MICAL3: variants seen among roughly 807,000 people sequenced by gnomAD.
MICAL3 encodes the protein microtubule associated monooxygenase, calponin and LIM domain containing 3, also known as [F-actin]-monooxygenase MICAL3.
MICAL3 carries 62 observed loss-of-function variants against 207.4 expected under a neutral mutation model. The ratio of observed to expected loss-of-function variants is 0.30; its 90% confidence interval spans 0.24 to 0.37. The LOEUF is 0.37. Among genes scored for constraint, MICAL3 ranks in the 10% least tolerant of loss-of-function variants. The pLI, the probability that MICAL3 is intolerant of heterozygous loss-of-function variation, is 1.00. For missense variants in MICAL3, 2,368 were observed against 2,635.6 expected (o/e 0.90, Z 2.22); for synonymous variants, 1,077 against 1,069.3 (o/e 1.01, Z -0.14).
chr22:17,810,929 G>T, intron 27 of MICAL3, 116 bp from the exon 28 acceptor site: 1 of 754,324 alleles, frequency 1.3e-6, no homozygotes, highest in Non-Finnish European at 2.3e-6. Context: ...GCTGGTACCC[G>T]GGCAGATAGG....
intron 2 of MICAL3, among the ~76,000 whole-genome samples, chr22:17,905,657 AG>A (rs1176915583): frequency 1.3e-5 from 2 of 152,216 alleles, no homozygotes; most frequent in African/African-American, 4.8e-5. Flanking sequence ...AGCTCGTGAA[AG>A]AACATAACGT....
intron 1 of MICAL3, among the ~76,000 whole-genome samples, chr22:17,989,503 C>G (rs1246041074): frequency 6.6e-6 from 1 of 152,048 alleles, no homozygotes; most frequent in Non-Finnish European, 1.5e-5. Flanking sequence ...ATGCTGAAGG[C>G]AACCCCAGCC....
At chr22:17,931,340 G>T (rs1007353006) in intron 1 of MICAL3, among the ~76,000 whole-genome samples, 5 of 152,178 alleles carry the variant, frequency 3.3e-5, no homozygotes, top group Admixed American at 3.3e-4. Flanking sequence ...TCGCATAAGT[G>T]GTCTGAGAAA....
intron 1 of MICAL3, among the ~76,000 whole-genome samples, chr22:17,961,367 T>C (rs752260609): frequency 2.2e-4 from 34 of 152,250 alleles, no homozygotes; most frequent in East Asian, 3.9e-4. Context: ...GCAGAAAGGA[T>C]TGAATAACCC....
intron 29 of MICAL3, among the ~76,000 whole-genome samples, chr22:17,800,988 A>T (rs559992674): frequency 6.6e-6 from 1 of 152,256 alleles, no homozygotes; most frequent in African/African-American, 2.4e-5. Context: ...TTCAAGCAGC[A>T]GCCCCCACGT....
rs1929995795 is a variant in MICAL3 at position 17,887,191 on chromosome 22, T to C, written c.2046A>G (p.Arg682=). Residue 682 remains arginine (R), a synonymous_variant, in exon 15 of 32, where the codon AGA becomes AGG. Coordinates refer to ENST00000441493, the MANE Select transcript of MICAL3 (RefSeq NM_015241.3). The part of the protein sequence containing the change: ...EKDLDGAGKR[R]KTSQSEEEEA... ...TCACCTCCTCTGATTGACTGGTCTTTCTCCTCTTCCCAGCACCATCCAAGT... is the reference window on the plus strand; with the variant it reads ...TCACCTCCTCTGATTGACTGGTCTTCCTCCTCTTCCCAGCACCATCCAAGT... The C allele has an allele frequency of 6.2e-7, 1 of 1,613,572 alleles. No individual in the cohort carries two copies. The highest frequency in any genetic ancestry group is 1.1e-5 in the South Asian group (1 of 91,004).
intron 1 of MICAL3, chr22:18,005,788 C>T (rs990748728): frequency 2.0e-5 from 3 of 152,178 alleles, no homozygotes; most frequent in African/African-American, 7.2e-5. Context: ...ATGCTGCTGC[C>T]GACCAGTTTG....
At chr22:17,986,393 G>A (rs1264199531) in intron 1 of MICAL3, among the ~76,000 whole-genome samples, 5 of 152,266 alleles carry the variant, frequency 3.3e-5, no homozygotes, top group Middle Eastern at 6.8e-3. Flanking sequence ...GGTAACACAC[G>A]CCTGTAGTCC....
chr22:17,821,544 A>G, intron 24 of MICAL3, 35 bp from the exon 25 acceptor site: 1 of 1,516,754 alleles, frequency 6.6e-7, no homozygotes, highest in Non-Finnish European at 8.9e-7. Context: ...TACAAGAGGA[A>G]GCCCCCCCAT....
chr22:17,904,729 G>A lies in MICAL3; in HGVS notation c.375C>T (p.Asn125=), dbSNP rs190030382. The A allele has an allele frequency of 2.1e-4, 339 of 1,613,834 alleles. 1 individual carries two copies. The African/African-American group carries it at 3.1e-3, about 15-fold the overall frequency. ...TGGTGAATGGCCAGAGATGCAAGAC[G>A]TTGTTGCGGGAGAAGGCATCTCGTT... The part of the protein sequence containing the change: ...IEKRDAFSRN[N]VLHLWPFTIH... The change falls in exon 3 of 32, where the codon AAC becomes AAT. Residue 125 remains asparagine, a synonymous_variant. Coordinates refer to ENST00000441493, the MANE Select transcript of MICAL3 (RefSeq NM_015241.3).
At chr22:17,825,847 C>CA (rs1474842822) in intron 22 of MICAL3, among the ~76,000 whole-genome samples, 2 of 152,106 alleles carry the variant, frequency 1.3e-5, no homozygotes, top group Non-Finnish European at 2.9e-5. Flanking sequence ...GTGAGAAACA[C>CA]ACACTTCCAG....
At chr22:17,932,806 G>A (rs1438228695) in intron 1 of MICAL3, among the ~76,000 whole-genome samples, 17 of 152,260 alleles carry the variant, frequency 1.1e-4, no homozygotes, top group Admixed American at 9.8e-4. Flanking sequence ...ACAAAAAAAA[G>A]CAGAGGTTGC....
chr22:17,842,144 G>A (rs755605400), intron 19 of MICAL3, 127 bp from the exon 20 acceptor site: 36 of 900,802 alleles, frequency 4.0e-5, no homozygotes, highest in Non-Finnish European at 5.4e-5. Flanking sequence ...CAGAGCATTT[G>A]CAGAGTTGCC....
intron 7 of MICAL3, among the ~76,000 whole-genome samples, chr22:17,897,340 T>C: frequency 6.7e-6 from 1 of 148,792 alleles, no homozygotes; most frequent in East Asian, 2.0e-4. Context: ...GGAGAACTGC[T>C]TGAGCCCAGG....
At chr22:17,971,420 T>C (rs768531301) in intron 1 of MICAL3, among the ~76,000 whole-genome samples, 47 of 151,538 alleles carry the variant, frequency 3.1e-4, no homozygotes, top group Non-Finnish European at 6.3e-4. Context: ...GAGGCGGAGG[T>C]TGCAGTGAGC....
At chr22:17,951,309 C>T (rs567691730) in intron 1 of MICAL3, among the ~76,000 whole-genome samples, 47 of 152,282 alleles carry the variant, frequency 3.1e-4, no homozygotes, top group African/African-American at 1.1e-3. Context: ...GCCACACAAC[C>T]TCTCCACGTC....
At chr22:17,803,220 A>G (rs2061957316) in intron 29 of MICAL3, among the ~76,000 whole-genome samples, 1 of 152,186 alleles carries the variant, frequency 6.6e-6, no homozygotes, top group African/African-American at 2.4e-5. Context: ...ACTGAAAAGA[A>G]GTACAAAGTG....
chr22:18,018,001 C>T (rs566253016), intron 1 of MICAL3, among the ~76,000 whole-genome samples: 4 of 152,162 alleles, frequency 2.6e-5, no homozygotes, highest in South Asian at 2.1e-4. Context: ...CCACCTGCCT[C>T]GGCCTCCCAC....
At chr22:18,011,844 AT>A (rs1923756661) in intron 1 of MICAL3, among the ~76,000 whole-genome samples, 1 of 151,354 alleles carries the variant, frequency 6.6e-6, no homozygotes. Flanking sequence ...GTGAGCCGAG[AT>A]CGCACCACTG....
Sources: gnomAD v4.1 joint callset for allele counts (sites outside exome capture counted in the v4.1 genomes callset) on GRCh38, gnomAD v4.1.1 for gene constraint, MANE v1.5 for transcripts, NCBI Gene and HGNC (gene_info 2026-07-23, HGNC 2026-07-21) for gene names.